Variants in COLEC12 observed in about 807,000 individuals in gnomAD.
COLEC12 encodes collectin-12.
Under a neutral mutation model 71.1 loss-of-function variants are expected in COLEC12, and 33 were observed. That is an observed-to-expected ratio of 0.46 (90% CI 0.35 to 0.62). The LOEUF is 0.62. Among genes scored for constraint, COLEC12 ranks in the 20% least tolerant of loss-of-function variants. COLEC12 has a pLI of 0.00. For synonymous variants in COLEC12, 350 were observed against 353.0 expected, an observed-to-expected ratio of 0.99 and a Z score of 0.10; for missense variants, 765 against 916.1, an observed-to-expected ratio of 0.84 and a Z score of 2.13.
chr18:385,316 ATTTTTTTTTTT>A (rs139537913), intron 2 of COLEC12, among the ~76,000 whole-genome samples: 4 of 119,240 alleles, frequency 3.4e-5, no homozygotes, highest in Admixed American at 8.7e-5. Flanking sequence ...TTAAAATGGG[ATTTTTTTTTTT>A]TTTTTTTTTT....
chr18:435,299 T>C (rs776901254), intron 2 of COLEC12, among the ~76,000 whole-genome samples: 16 of 152,186 alleles, frequency 1.1e-4, no homozygotes, highest in Non-Finnish European at 1.6e-4. Context: ...CAGTTCCACA[T>C]TGCTGGGGAG....
Position 334,553 on chromosome 18 carries a change from G to A in COLEC12, c.1816+189C>T, listed in dbSNP as rs565401490. 20 of 411,456 alleles carry A rather than the reference G, an allele frequency of 4.9e-5. No homozygotes were observed. The Middle Eastern group carries it at 1.8e-3, about 38-fold the overall frequency. The allele number at this position is 411,456 out of a possible 1,614,324, so 25.5% of individuals were successfully genotyped here. ...TAAGGCAGGAGAATCACTTGAACCCGGGATGTGGAGGTTGCAGTGAGCCGA... is the reference window on the plus strand; with the variant it reads ...TAAGGCAGGAGAATCACTTGAACCCAGGATGTGGAGGTTGCAGTGAGCCGA... On this transcript the variant is annotated intron_variant, in intron 6 of 9. Transcript: ENST00000400256.
chr18:392,292 A>G (rs560529739), intron 2 of COLEC12, among the ~76,000 whole-genome samples: 102 of 152,306 alleles, frequency 6.7e-4, no homozygotes, highest in African/African-American at 2.4e-3. Context: ...ACTCGCCTGA[A>G]CCTTGAAAGG....
chr18:500,626 G>C lies in COLEC12; in HGVS notation c.-112C>G. 2.2e-6 allele frequency: 2 copies of C among 921,740 alleles called. No homozygotes were observed. The highest frequency in any genetic ancestry group is 2.8e-6 in the Non-Finnish European group (2 of 724,636). 57.1% of individuals were successfully genotyped at this position (921,740 alleles called of 1,614,324 possible). On this transcript the variant is annotated 5_prime_UTR_variant, in exon 1 of 10. Coordinates refer to ENST00000400256, the MANE Select transcript of COLEC12 (RefSeq NM_130386.3). The surrounding 1 kb of genome is among the most constrained non-coding windows in gnomAD (Gnocchi z 5.3). ...CACGCCCATGGTAGCCGCGCCGCGC[G>C]CCGGCCGTCTGCGCCCCCGTCCTCC...
rs568968858 is a variant in COLEC12, at chr18:337,764, C to T, written c.1328-2534G>A. 1.7e-3 allele frequency among the ~76,000 whole-genome samples: 264 copies of T among 152,304 alleles called. 1 individual carries two copies. The highest frequency in any genetic ancestry group is 6.1e-3 in the African/African-American group (254 of 41,552). ...ATTTTCTCAGGTTCCGCCAGCACCT[C>T]TAACCTGCGTGTCTACAGCTGAACT... On this transcript the variant is annotated intron_variant, in intron 5 of 9. Coordinates refer to ENST00000400256, the MANE Select transcript of COLEC12 (RefSeq NM_130386.3).
At chr18:397,556 T>C (rs574559096) in intron 2 of COLEC12, among the ~76,000 whole-genome samples, 1 of 152,330 alleles carries the variant, frequency 6.6e-6, no homozygotes, top group South Asian at 2.1e-4. Flanking sequence ...TCTTTCTTTC[T>C]TGTAATGGTG....
chr18:341,994 T>C (rs193083296), intron 5 of COLEC12, among the ~76,000 whole-genome samples: 82 of 152,372 alleles, frequency 5.4e-4, no homozygotes, highest in Non-Finnish European at 1.1e-3. Context: ...GTGTGAGAAG[T>C]CTTCTGTGTA....
At chr18:440,704 C>T (rs1404743536) in intron 2 of COLEC12, among the ~76,000 whole-genome samples, 1 of 152,128 alleles carries the variant, frequency 6.6e-6, no homozygotes, top group Non-Finnish European at 1.5e-5. Flanking sequence ...ATTCAGAGGG[C>T]CAACTGCAAT....
At chr18:382,471 C>G (rs1355851915) in intron 2 of COLEC12, among the ~76,000 whole-genome samples, 1 of 152,126 alleles carries the variant, frequency 6.6e-6, no homozygotes, top group African/African-American at 2.4e-5. Context: ...AAATACATGA[C>G]CTGAAAAAAC....
intron 6 of COLEC12, 166 bp from the exon 7 acceptor site, chr18:333,309 G>C: frequency 3.5e-6 from 2 of 573,796 alleles, no homozygotes; most frequent in Non-Finnish European, 3.0e-6. Context: ...CAGCAAGCAT[G>C]ACCCAAAGTG....
In COLEC12 at chr18:338,984, ATTTTTTTT is replaced by A. The variant is rs33991062; in HGVS notation, c.1328-3762_1328-3755del. On this transcript the variant is annotated intron_variant, in intron 5 of 9. Coordinates refer to ENST00000400256, the MANE Select transcript of COLEC12 (RefSeq NM_130386.3). The stretch of plus-strand genomic sequence containing the variant: ...AATAATCTTTAGCCTTATTGTCTTA[ATTTTTTTT>A]TTTTTTTTTTTTGCTGATAATTTGT... Among the ~76,000 whole-genome samples the A allele has an allele frequency of 1.2e-3, 179 of 144,498 alleles. 1 individual carries two copies. Among genetic ancestry groups the A allele is most frequent in the Admixed American group, 3.1e-3 (44 of 14,080 alleles). 94.8% of individuals were successfully genotyped at this position (144,498 alleles called of 152,430 possible).
intron 2 of COLEC12, among the ~76,000 whole-genome samples, chr18:474,827 G>C (rs11081136): frequency 0.24 from 37,052 of 152,032 alleles, 5,088 homozygotes; most frequent in East Asian, 0.63. Flanking sequence ...AATCCCTGCA[G>C]TTTTGGAGGC....
intron 2 of COLEC12, among the ~76,000 whole-genome samples, chr18:453,245 T>A (rs1899950519): frequency 6.6e-6 from 1 of 152,144 alleles, no homozygotes; most frequent in African/African-American, 2.4e-5. Flanking sequence ...AGGAACGTGC[T>A]AGGAGACACA....
chr18:475,785 A>G (rs1917291883), intron 2 of COLEC12, among the ~76,000 whole-genome samples: 1 of 152,192 alleles, frequency 6.6e-6, no homozygotes, highest in Non-Finnish European at 1.5e-5. Context: ...AAACAGCTCA[A>G]TAATTTAACT....
intron 8 of COLEC12, among the ~76,000 whole-genome samples, chr18:322,434 C>T (rs1913730929): frequency 6.6e-6 from 1 of 152,222 alleles, no homozygotes; most frequent in South Asian, 2.1e-4. Flanking sequence ...ATGACTCCTA[C>T]ATTTCACTCC....
At chr18:366,622 C>A (rs1029814156) in intron 2 of COLEC12, among the ~76,000 whole-genome samples, 4 of 152,206 alleles carry the variant, frequency 2.6e-5, no homozygotes, top group Non-Finnish European at 5.9e-5. Flanking sequence ...AGCAAAGGAG[C>A]ACCCGCTAGT....
At chr18:499,562 C>T (rs1917779168) in intron 1 of COLEC12, among the ~76,000 whole-genome samples, 2 of 152,204 alleles carry the variant, frequency 1.3e-5, no homozygotes, top group African/African-American at 4.8e-5. Context: ...GATGGCATTT[C>T]GCACCCACGC....
At chr18:415,311 T>C (rs1322984056) in intron 2 of COLEC12, among the ~76,000 whole-genome samples, 1 of 152,200 alleles carries the variant, frequency 6.6e-6, no homozygotes, top group Non-Finnish European at 1.5e-5. Flanking sequence ...GGCTCCTACC[T>C]AGATTTTCTA....
At chr18:356,719 C>T (rs1166911384) in intron 3 of COLEC12, among the ~76,000 whole-genome samples, 1 of 152,188 alleles carries the variant, frequency 6.6e-6, no homozygotes, top group African/African-American at 2.4e-5. Context: ...TTCTGAATCA[C>T]GACACCTTCT....
Sources: gnomAD v4.1 joint callset for allele counts (sites outside exome capture counted in the v4.1 genomes callset) on GRCh38, gnomAD v4.1.1 for gene constraint, Gnocchi (gnomAD v3.1) non-coding constraint, MANE v1.5 for transcripts, NCBI Gene and HGNC (gene_info 2026-07-23, HGNC 2026-07-21) for gene names.